Variants in QTMAN observed in about 807,000 individuals in gnomAD.
QTMAN encodes tRNA-queuosine alpha-mannosyltransferase.
At chr2:144,306,340 A>G in the QTMAN span, among the ~76,000 whole-genome samples, 1 of 152,240 alleles carries the variant, frequency 6.6e-6, no homozygotes, top group Non-Finnish European at 1.5e-5. Flanking sequence ...CTATAACAAA[A>G]TACGATATAG....
chr2:143,979,472 T>C, the QTMAN span, among the ~76,000 whole-genome samples: 4 of 152,152 alleles, frequency 2.6e-5, no homozygotes, highest in African/African-American at 4.8e-5. Context: ...AATTGAGAAA[T>C]ACATGAAATA....
the QTMAN span, among the ~76,000 whole-genome samples, chr2:144,221,505 A>G: frequency 6.6e-6 from 1 of 152,346 alleles, no homozygotes; most frequent in East Asian, 1.9e-4. Context: ...GAAAGAGTAC[A>G]TGCACACACG....
the QTMAN span, among the ~76,000 whole-genome samples, chr2:144,128,724 A>G: frequency 1.3e-5 from 2 of 151,982 alleles, no homozygotes; most frequent in African/African-American, 2.4e-5. Context: ...GAAGATTTCT[A>G]AAGTTTTTAT....
At chr2:144,284,933 CTTTTTT>C in the QTMAN span, among the ~76,000 whole-genome samples, 1 of 128,396 alleles carries the variant, frequency 7.8e-6, no homozygotes, top group Non-Finnish European at 1.7e-5. Flanking sequence ...GGAGGCCAAA[CTTTTTT>C]TTTTTTTTTT....
At chr2:144,105,706 C>T in the QTMAN span, among the ~76,000 whole-genome samples, 42 of 152,206 alleles carry the variant, frequency 2.8e-4, 1 homozygote, top group South Asian at 7.3e-3. Context: ...GAGAACTTCC[C>T]CAATCTAGCA....
At chr2:144,275,521 A>G in the QTMAN span, among the ~76,000 whole-genome samples, 1 of 152,204 alleles carries the variant, frequency 6.6e-6, no homozygotes, top group Non-Finnish European at 1.5e-5. Context: ...TTTGTCCACT[A>G]GACTCTTAAG....
the QTMAN span, among the ~76,000 whole-genome samples, chr2:143,957,722 A>G: frequency 1.6e-4 from 24 of 152,218 alleles, no homozygotes; most frequent in Admixed American, 1.5e-3. Context: ...CAAAAATGGC[A>G]TTGCAGTGAC....
the QTMAN span, among the ~76,000 whole-genome samples, chr2:143,969,581 C>T: frequency 1.3e-5 from 2 of 152,030 alleles, no homozygotes; most frequent in African/African-American, 4.8e-5. Flanking sequence ...AAAAAATTTA[C>T]ACATAGATAA....
the QTMAN span, among the ~76,000 whole-genome samples, chr2:144,314,969 T>G: frequency 6.6e-6 from 1 of 152,120 alleles, no homozygotes; most frequent in South Asian, 2.1e-4. Flanking sequence ...CACTGCAACC[T>G]CCACCTCCAG....
At chr2:144,076,954 T>TA in the QTMAN span, among the ~76,000 whole-genome samples, 9 of 142,906 alleles carry the variant, frequency 6.3e-5, no homozygotes, top group South Asian at 4.4e-4. Context: ...CTCGGTCTAT[T>TA]AAAAAAAAAT....
chr2:144,325,703 A>G, the QTMAN span, among the ~76,000 whole-genome samples: 2 of 152,002 alleles, frequency 1.3e-5, no homozygotes, highest in Non-Finnish European at 2.9e-5. Context: ...ATACCACTGC[A>G]AAAATTACCA....
At chr2:144,194,489 C>T in the QTMAN span, among the ~76,000 whole-genome samples, 1 of 152,160 alleles carries the variant, frequency 6.6e-6, no homozygotes, top group Non-Finnish European at 1.5e-5. Context: ...AATGCCCAAA[C>T]ATTGAAGAAA....
the QTMAN span, among the ~76,000 whole-genome samples, chr2:144,188,768 A>ATAG: frequency 0.61 from 93,219 of 151,786 alleles, 28,806 homozygotes; most frequent in East Asian, 0.76. Context: ...TAAGTATAAA[A>ATAG]TAGCATTCTT....
chr2:144,040,377 T>G, the QTMAN span, among the ~76,000 whole-genome samples: 3 of 151,996 alleles, frequency 2.0e-5, no homozygotes, highest in African/African-American at 7.2e-5. Context: ...TTGACTCTCT[T>G]AATTTATTTC....
the QTMAN span, among the ~76,000 whole-genome samples, chr2:144,266,012 G>T: frequency 6.6e-6 from 1 of 152,166 alleles, no homozygotes; most frequent in Non-Finnish European, 1.5e-5. Context: ...ACTAAGAGTT[G>T]AGAAGTAGAA....
At chr2:143,990,476 T>C in the QTMAN span, among the ~76,000 whole-genome samples, 2 of 152,134 alleles carry the variant, frequency 1.3e-5, no homozygotes, top group Non-Finnish European at 2.9e-5. Context: ...TAGTTTAAGT[T>C]TGCACTGAGA....
the QTMAN span, among the ~76,000 whole-genome samples, chr2:144,080,871 A>G: frequency 6.6e-6 from 1 of 152,202 alleles, no homozygotes; most frequent in Non-Finnish European, 1.5e-5. Flanking sequence ...AACACTAAGC[A>G]GTATCACCTC....
At chr2:143,979,460 A>G in the QTMAN span, among the ~76,000 whole-genome samples, 7 of 152,356 alleles carry the variant, frequency 4.6e-5, no homozygotes, top group East Asian at 1.4e-3. Context: ...TAAAATCCAA[A>G]TAATTGAGAA....
the QTMAN span, among the ~76,000 whole-genome samples, chr2:144,013,022 T>C: frequency 1.2e-4 from 19 of 152,102 alleles, no homozygotes; most frequent in Admixed American, 7.2e-4. Context: ...CAGGCTGGTG[T>C]TTCACAGGTG....
Sources: allele counts gnomAD v4.1 joint callset (sites outside exome capture counted in the v4.1 genomes callset), GRCh38; gene constraint gnomAD v4.1.1; transcripts MANE v1.5; gene names NCBI Gene and HGNC (gene_info 2026-07-23, HGNC 2026-07-21).